The following LIMCH1 variants were observed in gnomAD, a reference collection of about 807,000 sequenced individuals.
LIMCH1 encodes LIM and calponin homology domains-containing protein 1.
In LIMCH1, 113 loss-of-function variants were observed where a neutral mutation model predicts 176.5. The observed-to-expected ratio is 0.64, with a 90% CI of 0.55 to 0.75. The LOEUF (loss-of-function observed/expected upper bound fraction) is 0.75, where lower values mean the gene tolerates loss of function less well. LIMCH1 is among the 30% of genes least tolerant of loss of function. The pLI, the probability that LIMCH1 is intolerant of heterozygous loss-of-function variation, is 0.00. For synonymous variants in LIMCH1, 619 were observed against 645.9 expected, an observed-to-expected ratio of 0.96 and a Z score of 0.63; for missense variants, 1,674 against 1,814.9, an observed-to-expected ratio of 0.92 and a Z score of 1.41.
chr4:41,538,911 A>G lies in LIMCH1; in HGVS notation c.-241+561A>G, dbSNP rs534596986. Among the ~76,000 whole-genome samples, 8 of 152,314 alleles carry G rather than the reference A, an allele frequency of 5.3e-5. No individual in the cohort carries two copies. In the South Asian group the frequency reaches 1.7e-3, roughly 32 times the overall value. ...GTCTGGAGGGAAGGGCTGCATCTCC[A>G]GCCTTGCCCACTTAGTCCTTGTCCT... On this transcript the variant is annotated intron_variant, in intron 1 of 31. Transcript: ENST00000503057.
At chr4:41,691,820 A>G (rs1260939403) in intron 30 of LIMCH1, among the ~76,000 whole-genome samples, 1 of 152,160 alleles carries the variant, frequency 6.6e-6, no homozygotes, top group African/African-American at 2.4e-5. Context: ...TTGATCTGGT[A>G]GAACTTAGCA....
chr4:41,532,698 G>A (rs2077459361), intron 3 of LIMCH1, among the ~76,000 whole-genome samples: 1 of 152,182 alleles, frequency 6.6e-6, no homozygotes, highest in Non-Finnish European at 1.5e-5. Context: ...CAATAAGTTA[G>A]TCCCCTTGCG....
At chr4:41,495,486 AT>A (rs1169185581) in intron 2 of LIMCH1, among the ~76,000 whole-genome samples, 1 of 152,100 alleles carries the variant, frequency 6.6e-6, no homozygotes, top group African/African-American at 2.4e-5. Flanking sequence ...AGTAGCATCT[AT>A]TTTGCCTTCT....
intron 1 of LIMCH1, among the ~76,000 whole-genome samples, chr4:41,395,644 T>C (rs750238593): frequency 2.0e-5 from 3 of 152,302 alleles, no homozygotes; most frequent in Non-Finnish European, 4.4e-5. Flanking sequence ...GGGTCTCAAT[T>C]TTCCTGCTCT....
At chr4:41,379,047 G>A (rs2055228090) in intron 1 of LIMCH1, among the ~76,000 whole-genome samples, 1 of 152,152 alleles carries the variant, frequency 6.6e-6, no homozygotes, top group South Asian at 2.1e-4. Flanking sequence ...AGTTATTGGT[G>A]CATAATAGAT....
At chr4:41,425,221 AAT>A (rs1249816618) in intron 1 of LIMCH1, among the ~76,000 whole-genome samples, 2 of 152,180 alleles carry the variant, frequency 1.3e-5, no homozygotes, top group Non-Finnish European at 2.9e-5. Context: ...ACAGAGAGAG[AAT>A]GACTTCTAAT....
chr4:41,462,954 T>C (rs745514512), intron 1 of LIMCH1, among the ~76,000 whole-genome samples: 4 of 152,164 alleles, frequency 2.6e-5, no homozygotes, highest in Non-Finnish European at 5.9e-5. Context: ...TAGCACACAT[T>C]GGTCTCTCAT....
chr4:41,367,280 G>A (rs2053166833), intron 1 of LIMCH1, among the ~76,000 whole-genome samples: 1 of 152,164 alleles, frequency 6.6e-6, no homozygotes, highest in Non-Finnish European at 1.5e-5. Context: ...CATATAAAAT[G>A]CACCTAAGAA....
At chr4:41,571,159 A>C (rs2083491077) in intron 1 of LIMCH1, among the ~76,000 whole-genome samples, 1 of 152,090 alleles carries the variant, frequency 6.6e-6, no homozygotes, top group Non-Finnish European at 1.5e-5. Context: ...TGTGTGGCTC[A>C]GGGAGCCACA....
chr4:41,592,785 G>A (rs1041553616), intron 1 of LIMCH1, among the ~76,000 whole-genome samples: 3 of 152,332 alleles, frequency 2.0e-5, no homozygotes, highest in African/African-American at 7.2e-5. Context: ...CTAAGAAGCA[G>A]ACAAGGCTGG....
At chr4:41,486,770 CTTTCTTTT>C (rs778186092) in intron 1 of LIMCH1, among the ~76,000 whole-genome samples, 1 of 151,838 alleles carries the variant, frequency 6.6e-6, no homozygotes, top group Non-Finnish European at 1.5e-5. Context: ...ATGTCTCTTT[CTTTCTTTT>C]TTTCTTTTTT....
At chr4:41,592,716 C>T (rs1477757715) in intron 1 of LIMCH1, among the ~76,000 whole-genome samples, 1 of 152,166 alleles carries the variant, frequency 6.6e-6, no homozygotes, top group Non-Finnish European at 1.5e-5. Context: ...CATCCCCCAC[C>T]TTATGAGTTA....
At chr4:41,538,807 C>G (rs1381582512) in intron 1 of LIMCH1, among the ~76,000 whole-genome samples, 1 of 151,992 alleles carries the variant, frequency 6.6e-6, no homozygotes, top group Non-Finnish European at 1.5e-5. Flanking sequence ...CTCCACAGCC[C>G]CCTTTGCTTT....
intron 17 of LIMCH1, 104 bp from the exon 18 acceptor site, chr4:41,650,289 T>C (rs1466983453): frequency 1.3e-6 from 1 of 790,912 alleles, no homozygotes; most frequent in Non-Finnish European, 2.1e-6. Flanking sequence ...TGGACTCTGG[T>C]TATTAAATGA....
intron 1 of LIMCH1, among the ~76,000 whole-genome samples, chr4:41,448,358 C>G (rs2063493585): frequency 6.6e-6 from 1 of 152,124 alleles, no homozygotes; most frequent in Non-Finnish European, 1.5e-5. Flanking sequence ...TGAGAAGGCT[C>G]GAAGACTCAA....
At chr4:41,361,045 TC>T in intron 1 of LIMCH1, 1 of 663,308 alleles carries the variant, frequency 1.5e-6, no homozygotes, top group South Asian at 2.2e-5. Flanking sequence ...GCCCCCACTT[TC>T]TTTTGCCAGC....
At chr4:41,434,510 A>T (rs7668829) in intron 1 of LIMCH1, among the ~76,000 whole-genome samples, 36,750 of 151,964 alleles carry the variant, frequency 0.24, 5,813 homozygotes, top group African/African-American at 0.44. Context: ...ACCTGGTTAC[A>T]GTTGGTTTTT....
At chr4:41,436,883 G>T (rs1438489778) in intron 1 of LIMCH1, among the ~76,000 whole-genome samples, 1 of 152,142 alleles carries the variant, frequency 6.6e-6, no homozygotes, top group African/African-American at 2.4e-5. Flanking sequence ...TGCATTTCCT[G>T]TGTGAAAGGT....
At chr4:41,518,245 CGTCTAGATG>C (rs1413380253) in intron 2 of LIMCH1, among the ~76,000 whole-genome samples, 1 of 152,120 alleles carries the variant, frequency 6.6e-6, no homozygotes, top group African/African-American at 2.4e-5. Context: ...TAATTCCTAA[CGTCTAGATG>C]GTCTCATAAG....
Sources: gnomAD v4.1 joint callset for allele counts (sites outside exome capture counted in the v4.1 genomes callset) on GRCh38, gnomAD v4.1.1 for gene constraint, MANE v1.5 for transcripts, NCBI Gene and HGNC (gene_info 2026-07-23, HGNC 2026-07-21) for gene names.